The following CADM2 variants were observed in gnomAD, a reference collection of about 807,000 sequenced individuals.
CADM2 encodes the protein immunoglobulin superfamily member 4D.
Under a neutral mutation model 49.8 loss-of-function variants are expected in CADM2, and 12 were observed. That is an observed-to-expected ratio of 0.24 (90% CI 0.15 to 0.39). CADM2 has a LOEUF of 0.39. Ranked by LOEUF, CADM2 falls within the 10% of genes least tolerant of loss-of-function variation. CADM2 has a pLI of 1.00. For missense variants in CADM2, 378 were observed against 492.3 expected (o/e 0.77, Z 2.20); for synonymous variants, 214 against 175.4 (o/e 1.22, Z -1.74).
intron 1 of CADM2, among the ~76,000 whole-genome samples, chr3:85,156,997 G>T (rs916082697): frequency 3.9e-5 from 6 of 151,978 alleles, no homozygotes; most frequent in South Asian, 2.1e-4. Context: ...AAAGTCTCAG[G>T]ATACAAAATC....
chr3:85,794,201 A>G (rs969491441), intron 2 of CADM2, among the ~76,000 whole-genome samples: 5 of 152,068 alleles, frequency 3.3e-5, no homozygotes, highest in Non-Finnish European at 7.4e-5. Flanking sequence ...TTTTCCATAT[A>G]TTTTCTCAGT....
chr3:85,634,400 A>G (rs1370400584), intron 1 of CADM2, among the ~76,000 whole-genome samples: 1 of 152,032 alleles, frequency 6.6e-6, no homozygotes. Context: ...TTAATTTTAA[A>G]TATTTTTGAG....
chr3:85,978,105 G>A (rs1399733309), intron 8 of CADM2, among the ~76,000 whole-genome samples: 3 of 151,612 alleles, frequency 2.0e-5, no homozygotes. Flanking sequence ...GTAATTATTG[G>A]TAATTTGGAA....
In CADM2 at chr3:85,914,634, T is replaced by A. The variant is rs113126634; in HGVS notation, c.700+2091T>A. 5.9e-3 allele frequency among the ~76,000 whole-genome samples: 896 copies of A among 152,256 alleles called. 3 individuals are homozygous for A. Among genetic ancestry groups the A allele is most frequent in the Non-Finnish European group, 8.6e-3 (586 of 68,006 alleles). ...AACAATAAAAATCAGTCATAAGAAC[T>A]ATTGAAGACCACTTCCAGTCACAGA... is the stretch of plus-strand genomic sequence containing the variant. On this transcript the variant is annotated intron_variant, in intron 6 of 9. Coordinates refer to ENST00000383699, the MANE Select transcript of CADM2 (RefSeq NM_001167675.2).
intron 1 of CADM2, among the ~76,000 whole-genome samples, chr3:85,502,257 T>C (rs2040148802): frequency 6.6e-6 from 1 of 152,150 alleles, no homozygotes; most frequent in South Asian, 2.1e-4. Context: ...CACTATCTCT[T>C]GCCACTTCAG....
chr3:85,532,392 T>C (rs896554933), intron 1 of CADM2, among the ~76,000 whole-genome samples: 1 of 152,208 alleles, frequency 6.6e-6, no homozygotes, highest in East Asian at 1.9e-4. Flanking sequence ...TTTTTTTATC[T>C]TTTGTTCTTT....
chr3:85,904,557 A>C (rs1716536467), intron 5 of CADM2, among the ~76,000 whole-genome samples: 1 of 152,150 alleles, frequency 6.6e-6, no homozygotes, highest in Admixed American at 6.6e-5. Flanking sequence ...AAGATTTGCT[A>C]GTTTTTTAAA....
rs564019190 is a variant in CADM2 at position 85,387,106 on chromosome 3, G to A, written c.62-339416G>A. ...AATTTGTCTCATGGAGCCGCTGGGG[G>A]AAAAGGTACACAAATTAAAGTTTTG... On this transcript the variant is annotated intron_variant, in intron 1 of 9. Transcript: ENST00000383699. Among the ~76,000 whole-genome samples the A allele has an allele frequency of 2.4e-3, 369 of 152,180 alleles. 2 individuals are homozygous for A. The highest frequency in any genetic ancestry group is 8.5e-3 in the African/African-American group (352 of 41,522).
intron 3 of CADM2, among the ~76,000 whole-genome samples, chr3:85,834,012 AT>A: frequency 6.6e-6 from 1 of 151,672 alleles, no homozygotes; most frequent in South Asian, 2.1e-4. Flanking sequence ...ATTTTCATTT[AT>A]TTGTTGTCAT....
chr3:85,001,070 C>G (rs2033438438), intron 1 of CADM2, among the ~76,000 whole-genome samples: 1 of 151,938 alleles, frequency 6.6e-6, no homozygotes, highest in African/African-American at 2.4e-5. Flanking sequence ...ATAACTTGTT[C>G]AGTTGTTGGG....
In CADM2 at chr3:85,858,958, C is replaced by A. The variant is rs149872447; in HGVS notation, c.239-24333C>A. On this transcript the variant is annotated intron_variant, in intron 3 of 9. Transcript: ENST00000383699. ...TGAGATCCCAAATGAGTGAGCTTAA[C>A]TCAGTGTGAGCTATAATTTTTAATA... is the stretch of plus-strand genomic sequence containing the variant. 3.6e-4 allele frequency among the ~76,000 whole-genome samples: 55 copies of A among 152,232 alleles called. 1 individual carries two copies. The East Asian group carries it at 0.01, about 28-fold the overall frequency.
At chr3:85,811,465 G>C (rs954402313) in intron 3 of CADM2, among the ~76,000 whole-genome samples, 1 of 152,130 alleles carries the variant, frequency 6.6e-6, no homozygotes, top group Non-Finnish European at 1.5e-5. Context: ...TGTGTGATGG[G>C]CACTGTGCCA....
At chr3:84,987,206 G>A (rs542936985) in intron 1 of CADM2, among the ~76,000 whole-genome samples, 1 of 151,938 alleles carries the variant, frequency 6.6e-6, no homozygotes, top group East Asian at 2.0e-4. Flanking sequence ...GTGCAGTGGC[G>A]CGATCTCGGC....
intron 1 of CADM2, among the ~76,000 whole-genome samples, chr3:85,585,131 G>A (rs540980912): frequency 2.6e-5 from 4 of 151,918 alleles, no homozygotes; most frequent in East Asian, 3.9e-4. Context: ...CATGCCTCTC[G>A]GATCCTGAAT....
chr3:85,494,064 T>A (rs1239696376), intron 1 of CADM2, among the ~76,000 whole-genome samples: 1 of 152,098 alleles, frequency 6.6e-6, no homozygotes, highest in East Asian at 1.9e-4. Flanking sequence ...GTTAAATGCA[T>A]CAAAAAATCA....
rs757568584 is a variant in CADM2, at chr3:85,037,168, T to TC, written c.61+77501dup. Among the ~76,000 whole-genome samples the TC allele has an allele frequency of 1.2e-3, 184 of 148,686 alleles. No homozygotes were observed. In the Middle Eastern group the frequency reaches 0.017, roughly 14 times the overall value. On this transcript the variant is annotated intron_variant, in intron 1 of 9. Coordinates refer to ENST00000383699, the MANE Select transcript of CADM2 (RefSeq NM_001167675.2). ...TGGGCAACAAGAGTGAAACTCCATC[T>TC]CTAAAAAAAACAAACAAACAAAAAG... is the stretch of plus-strand genomic sequence containing the variant.
intron 3 of CADM2, among the ~76,000 whole-genome samples, chr3:85,871,580 G>A (rs768965575): frequency 7.9e-5 from 12 of 152,144 alleles, no homozygotes; most frequent in Non-Finnish European, 1.6e-4. Context: ...CTTTAGAAGA[G>A]AAATAATGCT....
intron 1 of CADM2, among the ~76,000 whole-genome samples, chr3:85,409,014 A>T (rs1005539030): frequency 2.0e-5 from 3 of 152,144 alleles, no homozygotes; most frequent in African/African-American, 7.2e-5. Context: ...TAAGACAAAT[A>T]TTTCACTACA....
chr3:85,243,554 AC>A (rs1291519635), intron 1 of CADM2, among the ~76,000 whole-genome samples: 1 of 152,070 alleles, frequency 6.6e-6, no homozygotes, highest in Non-Finnish European at 1.5e-5. Context: ...TTTGTGAAGT[AC>A]TTTATGCTCT....
Sources: allele counts gnomAD v4.1 joint callset (sites outside exome capture counted in the v4.1 genomes callset), GRCh38; gene constraint gnomAD v4.1.1; transcripts MANE v1.5; gene names NCBI Gene and HGNC (gene_info 2026-07-23, HGNC 2026-07-21).